Variants in TNIP3 observed in about 807,000 individuals in gnomAD.
The protein encoded by TNIP3 is TNFAIP3-interacting protein 3.
Under a neutral mutation model 54.1 loss-of-function variants are expected in TNIP3, and 34 were observed. That is an observed-to-expected ratio of 0.63 (90% confidence interval 0.48 to 0.84). TNIP3 has a LOEUF of 0.84. Ranked by LOEUF, TNIP3 falls within the 40% of genes least tolerant of loss-of-function variation. TNIP3 has a pLI of 0.00. For synonymous variants in TNIP3, 134 were observed against 136.8 expected (o/e 0.98, Z 0.14); for missense variants, 366 against 387.6 (o/e 0.94, Z 0.47).
At chr4:121,163,045 A>G (rs138037957) in intron 1 of TNIP3, among the ~76,000 whole-genome samples, 1 of 89,138 alleles carries the variant, frequency 1.1e-5, no homozygotes, top group African/African-American at 4.6e-5. Context: ...TCTTTAATAA[A>G]TAAAAATTAC....
At chr4:121,222,236 C>T (rs1727061939) in intron 1 of TNIP3, among the ~76,000 whole-genome samples, 2 of 152,178 alleles carry the variant, frequency 1.3e-5, no homozygotes, top group Admixed American at 1.3e-4. Flanking sequence ...AATGTTCCTT[C>T]ATTCTGCAGA....
Position 121,194,093 on chromosome 4 carries a change from A to C in TNIP3, c.69-11297T>G, listed in dbSNP as rs145145190. Among the ~76,000 whole-genome samples, 4 of 152,232 alleles carry C rather than the reference A, an allele frequency of 2.6e-5. No individual in the cohort carries two copies. In the South Asian group the frequency reaches 6.2e-4, roughly 24 times the overall value. On this transcript the variant is annotated intron_variant, in intron 2 of 12. Transcript: ENST00000507879. ...GGCAAAACCTGAATGGAGTTTGAGG[A>C]TTAGATGTAGTAGTGTATCGATGTT...
At chr4:121,133,658 A>G (rs1290362496) in intron 10 of TNIP3, among the ~76,000 whole-genome samples, 1 of 152,220 alleles carries the variant, frequency 6.6e-6, no homozygotes, top group Non-Finnish European at 1.5e-5. Flanking sequence ...GGCTGTGGCC[A>G]ATGAGATAAT....
At chr4:121,216,143 AG>A (rs573865138) in intron 2 of TNIP3, among the ~76,000 whole-genome samples, 1 of 152,180 alleles carries the variant, frequency 6.6e-6, no homozygotes, top group Non-Finnish European at 1.5e-5. Flanking sequence ...CCATCCACCA[AG>A]GCTTGTCAAT....
upstream of TNIP3, chr4:121,164,375 G>T (rs1474113109): frequency 3.2e-6 from 4 of 1,234,612 alleles, no homozygotes; most frequent in Non-Finnish European, 4.1e-6. Context: ...TCCAAATAGG[G>T]ATTTCCCAGG....
At chr4:121,152,782 A>C (rs866991595) in intron 5 of TNIP3, among the ~76,000 whole-genome samples, 5 of 152,192 alleles carry the variant, frequency 3.3e-5, no homozygotes, top group South Asian at 2.1e-4. Context: ...TTTCAACCCC[A>C]AAGTTTATTT....
At chr4:121,227,320 A>T in intron 1 of TNIP3, 2 of 1,457,342 alleles carry the variant, frequency 1.4e-6, no homozygotes, top group South Asian at 2.5e-5. Context: ...AAAGAAATTA[A>T]GTTACAACCA....
intron 1 of TNIP3, 135 bp downstream of exon 1, chr4:121,163,925 A>G: frequency 9.8e-7 from 1 of 1,019,932 alleles, no homozygotes; most frequent in Non-Finnish European, 1.3e-6. Flanking sequence ...AATTTTGGTT[A>G]AAAATATAGA....
rs558232452 is a variant in TNIP3, at chr4:121,146,019, CT to C, written c.735+1029del. On this transcript the variant is annotated intron_variant, in intron 7 of 10. Transcript: ENST00000057513. ...AGAGAGAGAATATACAATATATACT[CT>C]TTTTTTTTACCAAGAGTAATCAGAA... is the stretch of plus-strand genomic sequence containing the variant. Among the ~76,000 whole-genome samples, 11 of 150,132 alleles carry C rather than the reference CT, an allele frequency of 7.3e-5. No homozygotes were observed. The East Asian group carries it at 9.7e-4, about 13-fold the overall frequency.
chr4:121,176,393 A>G (rs1275752995), intron 3 of TNIP3, among the ~76,000 whole-genome samples: 1 of 152,166 alleles, frequency 6.6e-6, no homozygotes, highest in African/African-American at 2.4e-5. Context: ...AAAAAAATAG[A>G]TCAAAACATT....
At chr4:121,146,967 A>AG in intron 7 of TNIP3, 82 bp downstream of exon 7, 2 of 1,476,444 alleles carry the variant, frequency 1.4e-6, no homozygotes, top group South Asian at 2.8e-5. Flanking sequence ...GTCAATTAAC[A>AG]GAAGTCCAAA....
At position 121,147,045 on chromosome 4, in the gene TNIP3, G is replaced by C. The variant is rs956132697; in HGVS notation, c.735+4C>G. On this transcript the variant is annotated splice_donor_region_variant and intron_variant, in intron 7 of 10. Coordinates refer to ENST00000057513, the MANE Select transcript of TNIP3 (RefSeq NM_024873.6). ...GGCAAAGATTATTTTGTTTTGACTT[G>C]TACCTGGGAATTCAGCCTGTTCAAC... The C allele has an allele frequency of 3.1e-6, 5 of 1,608,222 alleles. No individual in the cohort carries two copies. The highest frequency in any genetic ancestry group is 4.2e-6 in the Non-Finnish European group (5 of 1,177,638).
chr4:121,164,069 C>A lies in TNIP3; in HGVS notation c.57G>T (p.Glu19Asp), dbSNP rs755111543. 1 of 1,613,576 alleles carries A rather than the reference C, an allele frequency of 6.2e-7. No individual in the cohort carries two copies. Among genetic ancestry groups the A allele is most frequent in the East Asian group, 2.2e-5 (1 of 44,850 alleles). The change falls in exon 1 of 11, where the codon GAG becomes GAT. Residue 19 changes from glutamate to aspartate, a missense_variant. Glu to Asp is a conservative substitution (Grantham distance 45). Coordinates refer to ENST00000057513, the MANE Select transcript of TNIP3 (RefSeq NM_024873.6). ...AGAAATATGTTCTTACCTCTTTATG[C>A]TCCGTAGAACTTTCTGCGGCAATCA... ...SRMIAAESST[E>D]HKECAEPSTR... is the part of the protein sequence containing the mutation.
intron 3 of TNIP3, 177 bp from the exon 4 acceptor site, chr4:121,157,420 G>T: frequency 1.3e-6 from 1 of 752,130 alleles, no homozygotes; most frequent in Non-Finnish European, 2.2e-6. Flanking sequence ...TTCAAAGGGA[G>T]CTTGGCCTTG....
intron 6 of TNIP3, 79 bp downstream of exon 6, chr4:121,150,024 G>A (rs924943824): frequency 2.9e-5 from 23 of 804,090 alleles, no homozygotes; most frequent in Non-Finnish European, 4.6e-5. Context: ...CTAGCAGCAA[G>A]ACATCTAAAA....
intron 1 of TNIP3, among the ~76,000 whole-genome samples, chr4:121,162,174 T>A (rs1579417321): frequency 6.6e-6 from 1 of 152,354 alleles, no homozygotes; most frequent in East Asian, 1.9e-4. Flanking sequence ...TACAGGAAAT[T>A]GTTCTTTGCA....
chr4:121,133,885 A>G (rs1420026890), intron 10 of TNIP3, among the ~76,000 whole-genome samples: 1 of 152,022 alleles, frequency 6.6e-6, no homozygotes, highest in African/African-American at 2.4e-5. Flanking sequence ...TAGCTAAGGA[A>G]TACCTGGAGC....
In TNIP3 at chr4:121,137,640, A is replaced by T. The variant is rs144548559; in HGVS notation, c.946+984T>A. 60 of 246,616 alleles carry T rather than the reference A, an allele frequency of 2.4e-4. No individual in the cohort carries two copies. In the East Asian group the frequency reaches 5.7e-3, roughly 24 times the overall value. 15.3% of individuals were successfully genotyped at this position (246,616 alleles called of 1,614,324 possible). ...TGAGCCCCTCAGACTTGTAAAGTTC[A>T]CAACCTGCAAAACTACATGTGGTGT... On this transcript the variant is annotated intron_variant, in intron 10 of 10. Coordinates refer to ENST00000057513, the MANE Select transcript of TNIP3 (RefSeq NM_024873.6).
At chr4:121,141,718 C>T (rs1410019469) in intron 9 of TNIP3, 98 bp downstream of exon 9, 1 of 779,496 alleles carries the variant, frequency 1.3e-6, no homozygotes, top group African/African-American at 1.8e-5. Flanking sequence ...AACAGAGGCT[C>T]TTGCTGTAGA....
Sources: allele counts gnomAD v4.1 joint callset (sites outside exome capture counted in the v4.1 genomes callset), GRCh38; gene constraint gnomAD v4.1.1; transcripts MANE v1.5; gene names NCBI Gene and HGNC (gene_info 2026-07-23, HGNC 2026-07-21).